Variants in PAPPA2 observed in about 807,000 individuals in gnomAD.
PAPPA2 encodes pappalysin-2.
A neutral mutation model predicts 176.4 loss-of-function variants in PAPPA2; 86 were observed. The ratio of observed to expected loss-of-function variants is 0.49; its 90% CI spans 0.41 to 0.58. The LOEUF is 0.58. Among genes scored for constraint, PAPPA2 ranks in the 20% least tolerant of loss-of-function variants. The pLI is 0.00. For synonymous variants in PAPPA2, 809 were observed against 852.2 expected, an observed-to-expected ratio of 0.95 and a Z score of 0.88; for missense variants, 2,073 against 2,256.9, an observed-to-expected ratio of 0.92 and a Z score of 1.65.
chr1:176,551,886 TGAAA>T (rs1236997848), intron 1 of PAPPA2, among the ~76,000 whole-genome samples: 1 of 151,690 alleles, frequency 6.6e-6, no homozygotes, highest in East Asian at 1.9e-4. Context: ...AAATGAAAGG[TGAAA>T]GAAAGAAGGT....
At chr1:176,650,301 T>C (rs1403680592) in intron 3 of PAPPA2, among the ~76,000 whole-genome samples, 1 of 151,480 alleles carries the variant, frequency 6.6e-6, no homozygotes, top group Non-Finnish European at 1.5e-5. Flanking sequence ...TTGGGTTTCT[T>C]GTGGGCAGCA....
chr1:176,609,113 A>G (rs1330320868), intron 3 of PAPPA2, among the ~76,000 whole-genome samples: 1 of 152,252 alleles, frequency 6.6e-6, no homozygotes, highest in Non-Finnish European at 1.5e-5. Context: ...AAAGGGTAGT[A>G]GGTTGTAAAT....
At chr1:176,788,681 G>A (rs537428032) in intron 17 of PAPPA2, among the ~76,000 whole-genome samples, 2 of 152,248 alleles carry the variant, frequency 1.3e-5, no homozygotes, top group South Asian at 2.1e-4. Flanking sequence ...CACATCAAAT[G>A]CTGTCACTCT....
At chr1:176,567,031 G>C (rs898423051) in intron 2 of PAPPA2, among the ~76,000 whole-genome samples, 1 of 152,140 alleles carries the variant, frequency 6.6e-6, no homozygotes, top group African/African-American at 2.4e-5. Flanking sequence ...GGGCTCATCA[G>C]ATTTGTTTCA....
chr1:176,499,711 A>G (rs1014545835), intron 1 of PAPPA2, among the ~76,000 whole-genome samples: 3 of 152,216 alleles, frequency 2.0e-5, no homozygotes, highest in Non-Finnish European at 2.9e-5. Context: ...GAGGCCAGAA[A>G]AAAACCATTG....
Position 176,691,506 on chromosome 1 carries a change from C to T in PAPPA2, c.2432-620C>T, listed in dbSNP as rs916169517. Among the ~76,000 whole-genome samples, 14 of 152,290 alleles carry T rather than the reference C, an allele frequency of 9.2e-5. No homozygotes were observed. The Middle Eastern group carries it at 0.017, about 185-fold the overall frequency. ...AGCTCTGGAGGCAGCACCTTTGAAG[C>T]GGGAAGAGGAAACATTTAGGAAGCT... On this transcript the variant is annotated intron_variant, in intron 5 of 22. Coordinates refer to ENST00000367662, the MANE Select transcript of PAPPA2 (RefSeq NM_020318.3).
intron 8 of PAPPA2, among the ~76,000 whole-genome samples, chr1:176,699,951 C>A (rs2102819363): frequency 6.6e-6 from 1 of 152,044 alleles, no homozygotes; most frequent in East Asian, 1.9e-4. Flanking sequence ...TGCCACAGAC[C>A]CCATAACATT....
intron 1 of PAPPA2, among the ~76,000 whole-genome samples, chr1:176,543,458 C>T (rs954850487): frequency 8.6e-5 from 13 of 152,034 alleles, no homozygotes; most frequent in Non-Finnish European, 1.9e-4. Context: ...TTCATCTCTG[C>T]ACCTGGCCTC....
intron 3 of PAPPA2, among the ~76,000 whole-genome samples, chr1:176,623,566 C>T (rs1473442428): frequency 1.2e-5 from 1 of 82,834 alleles, no homozygotes; most frequent in Non-Finnish European, 2.6e-5. Flanking sequence ...CCCCTTCCTT[C>T]CTTCCTTCCC....
intron 2 of PAPPA2, among the ~76,000 whole-genome samples, chr1:176,586,739 G>T (rs1191058197): frequency 3.9e-5 from 6 of 152,162 alleles, no homozygotes; most frequent in Non-Finnish European, 8.8e-5. Flanking sequence ...TGTAAATAGT[G>T]CTGCAATAAA....
chr1:176,815,919 C>A (rs898257580), intron 21 of PAPPA2, among the ~76,000 whole-genome samples: 2 of 151,752 alleles, frequency 1.3e-5, no homozygotes, highest in Non-Finnish European at 2.9e-5. Context: ...TTCAGATATG[C>A]GTTTGTCTCA....
chr1:176,643,660 C>T (rs1326516014), intron 3 of PAPPA2, among the ~76,000 whole-genome samples: 2 of 151,650 alleles, frequency 1.3e-5, no homozygotes, highest in Non-Finnish European at 2.9e-5. Flanking sequence ...TCTAGATTTC[C>T]TGGGGAAAGG....
intron 14 of PAPPA2, among the ~76,000 whole-genome samples, chr1:176,741,468 C>T (rs752200380): frequency 3.3e-5 from 5 of 152,112 alleles, no homozygotes; most frequent in African/African-American, 7.2e-5. Context: ...GAGCCAGAGA[C>T]GGTGAACACG....
At chr1:176,638,857 A>G (rs896675658) in intron 3 of PAPPA2, among the ~76,000 whole-genome samples, 2 of 151,684 alleles carry the variant, frequency 1.3e-5, no homozygotes, top group African/African-American at 4.8e-5. Flanking sequence ...GAGGGCCCTG[A>G]TCTGGAACAT....
At chr1:176,495,112 T>G (rs1647524677) in intron 1 of PAPPA2, among the ~76,000 whole-genome samples, 1 of 152,130 alleles carries the variant, frequency 6.6e-6, no homozygotes, top group Non-Finnish European at 1.5e-5. Context: ...GATGAATGGA[T>G]TTTTGTAAGG....
intron 11 of PAPPA2, 146 bp from the exon 12 acceptor site, chr1:176,711,689 A>T: frequency 1.2e-6 from 1 of 818,334 alleles, no homozygotes. Flanking sequence ...AAATTCTTCA[A>T]TGTTGAGAAA....
At chr1:176,483,505 C>T (rs1652506392) in intron 1 of PAPPA2, among the ~76,000 whole-genome samples, 2 of 111,310 alleles carry the variant, frequency 1.8e-5, no homozygotes, top group South Asian at 6.4e-4. Flanking sequence ...AAGTCTGGCT[C>T]TGTCTCCCAG....
intron 3 of PAPPA2, among the ~76,000 whole-genome samples, chr1:176,658,351 C>T (rs181312955): frequency 2.8e-4 from 43 of 151,892 alleles, no homozygotes; most frequent in African/African-American, 1.0e-3. Flanking sequence ...ACAATCTGTT[C>T]CAGATACTAT....
chr1:176,712,603 G>A (rs1466955752), intron 12 of PAPPA2, among the ~76,000 whole-genome samples: 1 of 152,060 alleles, frequency 6.6e-6, no homozygotes, highest in Non-Finnish European at 1.5e-5. Context: ...ATGAATATTT[G>A]GATTACTTCT....
Sources: allele counts gnomAD v4.1 joint callset (sites outside exome capture counted in the v4.1 genomes callset), GRCh38; gene constraint gnomAD v4.1.1; transcripts MANE v1.5; gene names NCBI Gene and HGNC (gene_info 2026-07-23, HGNC 2026-07-21).